The following IL3RA variants were observed in gnomAD, a reference collection of about 807,000 sequenced individuals.
IL3RA encodes interleukin-3 receptor subunit alpha.
A neutral mutation model predicts 52.3 loss-of-function variants in IL3RA; 73 were observed. The observed-to-expected ratio is 1.40, with a 90% CI of 1.16 to 1.70. The LOEUF (loss-of-function observed/expected upper bound fraction) is 1.70, where lower values mean the gene tolerates loss of function less well. Ranked by LOEUF, IL3RA falls within the 40% of genes most tolerant of loss-of-function variation. The pLI is 0.00. For synonymous variants in IL3RA, 260 were observed against 194.0 expected (o/e 1.34, Z -2.83); for missense variants, 664 against 504.4 (o/e 1.32, Z -3.03).
At chrX:1,344,733 A>G (rs1413756676) in intron 2 of IL3RA, among the ~76,000 whole-genome samples, 1 of 151,704 alleles carries the variant, frequency 6.6e-6, no homozygotes, top group Non-Finnish European at 1.5e-5. Flanking sequence ...AGATCGTGCC[A>G]CTGCACTCCA....
intron 9 of IL3RA, among the ~76,000 whole-genome samples, chrX:1,368,221 T>C (rs2088324824): frequency 6.6e-6 from 1 of 151,732 alleles, no homozygotes; most frequent in Non-Finnish European, 1.5e-5. Context: ...ATCGCGCCAC[T>C]GTGCTCCATC....
rs1156722120 is a variant in IL3RA at position 1,361,755 on chromosome X, GAAAAAAA to G, written c.759+2884_759+2890del. ...GTGACAGAGTGAGACTCCGTCTCGA[GAAAAAAA>G]AAAAAAAAAAAAAAATGAGAGCCGA... On this transcript the variant is annotated intron_variant, in intron 8 of 11. Transcript: ENST00000331035. 2.7e-3 allele frequency among the ~76,000 whole-genome samples: 221 copies of G among 81,758 alleles called. 1 individual carries two copies. Among genetic ancestry groups the G allele is most frequent in the African/African-American group, 0.01 (210 of 20,288 alleles). The allele number at this position is 81,758 out of a possible 152,430, so 53.6% of individuals were successfully genotyped here. A position where few individuals can be genotyped will look rare whatever the true frequency, so the allele number is the denominator to read the frequency against.
Position 1,381,834 on chromosome X carries a change from G to A in IL3RA, c.1063-557G>A, listed in dbSNP as rs780143586. ...TGGGATTACAGGCATGAGCCACCAT[G>A]CCCAGCCTAGTTTTCAACAAGTTTT... On this transcript the variant is annotated intron_variant, in intron 11 of 11. Coordinates refer to ENST00000331035, the MANE Select transcript of IL3RA (RefSeq NM_002183.4). Among the ~76,000 whole-genome samples, 6 of 151,416 alleles carry A rather than the reference G, an allele frequency of 4.0e-5. No individual in the cohort carries two copies. The South Asian group carries it at 1.3e-3, about 32-fold the overall frequency.
rs776424905 is a variant in IL3RA, at chrX:1,365,200, C to G, written c.822C>G (p.Ala274=). 5.0e-6 allele frequency: 8 copies of G among 1,611,468 alleles called. No homozygotes were observed. The highest frequency in any genetic ancestry group is 1.3e-5 in the African/African-American group (1 of 74,864). Residue 274 remains alanine (A), a synonymous_variant, in exon 9 of 12, where the codon GCC becomes GCG. Transcript: ENST00000331035. ...GAACGTACACAGTACAAATAAGAGC[C>G]CGGGAAAGAGTGTATGAATTCTTGA... The part of the protein sequence containing the change: ...NPGTYTVQIR[A]RERVYEFLSA...
rs35294981 is a variant in IL3RA at position 1,382,670 on chromosome X, A to ATTTT, written c.*215_*218dup. 7.5e-6 allele frequency: 4 copies of ATTTT among 531,428 alleles called. No homozygotes were observed. Among genetic ancestry groups the ATTTT allele is most frequent in the East Asian group, 3.2e-5 (1 of 31,680 alleles). 32.9% of individuals were successfully genotyped at this position (531,428 alleles called of 1,614,324 possible). On this transcript the variant is annotated 3_prime_UTR_variant, in exon 12 of 12. Transcript: ENST00000331035. ...TGTGTGTTTATTTCATGATAAAGTG[A>ATTTT]TTTTTTTTTTTTTAACCCACTCACT...
At chrX:1,344,662 A>T (rs183403833) in intron 2 of IL3RA, among the ~76,000 whole-genome samples, 3 of 142,058 alleles carry the variant, frequency 2.1e-5, no homozygotes, top group Non-Finnish European at 4.6e-5. Flanking sequence ...AATCCTAGCT[A>T]CTCGGGAGGC....
Position 1,352,514 on chromosome X carries a change from G to A in IL3RA, c.616+8G>A, listed in dbSNP as rs760840816. On this transcript the variant is annotated splice_region_variant and intron_variant, in intron 6 of 11. Transcript: ENST00000331035. ...TCGTCTTTTCACAGATTGGTGAGTA[G>A]CCCGGGACACTCCCTCCCACCCTCA... 13 of 1,611,450 alleles carry A rather than the reference G, an allele frequency of 8.1e-6. No individual in the cohort carries two copies. Among genetic ancestry groups the A allele is most frequent in the East Asian group, 2.2e-5 (1 of 44,866 alleles).
At chrX:1,348,644 CTCTTTCTTTCTTTCTTTCTTTCTTTCTT>C (rs762100895) in intron 4 of IL3RA, 99 bp downstream of exon 4, 4 of 496,242 alleles carry the variant, frequency 8.1e-6, no homozygotes, top group African/African-American at 3.8e-5. Context: ...TTTTCTTTTT[CTCTTTCTTTCTTTCTTTCTTTCTTTCTT>C]TCTTTCTTTC....
chrX:1,354,091 G>C (rs1603444629), intron 6 of IL3RA, among the ~76,000 whole-genome samples: 1 of 149,012 alleles, frequency 6.7e-6, no homozygotes, highest in East Asian at 2.1e-4. Context: ...CATGAGTCAT[G>C]GAATCCCTCA....
intron 1 of IL3RA, 73 bp from the exon 2 acceptor site, chrX:1,341,655 G>A (rs770656621): frequency 1.1e-5 from 13 of 1,164,390 alleles, no homozygotes; most frequent in Non-Finnish European, 1.4e-5. Flanking sequence ...TCTGGAAGGG[G>A]CAAGCATCCT....
At chrX:1,344,751 T>G (rs113044250) in intron 2 of IL3RA, among the ~76,000 whole-genome samples, 2 of 150,152 alleles carry the variant, frequency 1.3e-5, no homozygotes, top group African/African-American at 2.5e-5. Flanking sequence ...CCAGCCTGGG[T>G]GACAAGAGCA....
intron 8 of IL3RA, among the ~76,000 whole-genome samples, chrX:1,362,148 TTC>T (rs377580272): frequency 6.1e-5 from 8 of 131,046 alleles, no homozygotes; most frequent in East Asian, 4.2e-4. Context: ...GTTTCTGTTT[TTC>T]TGTTTTTCTC....
chrX:1,358,970 AT>A (rs1489942043), intron 8 of IL3RA, 83 bp downstream of exon 8: 21 of 935,034 alleles, frequency 2.2e-5, no homozygotes, highest in Non-Finnish European at 3.1e-5. Flanking sequence ...ATGATAAAAA[AT>A]ATTAATAATT....
intron 1 of IL3RA, among the ~76,000 whole-genome samples, chrX:1,340,252 AT>A (rs1213592370): frequency 2.0e-5 from 3 of 150,904 alleles, no homozygotes; most frequent in Non-Finnish European, 2.9e-5. Context: ...AGTAGCTGGG[AT>A]TATAGGCACA....
At chrX:1,360,015 A>G (rs111162406) in intron 8 of IL3RA, among the ~76,000 whole-genome samples, 3 of 84,282 alleles carry the variant, frequency 3.6e-5, no homozygotes, top group Admixed American at 1.3e-4. Flanking sequence ...CCCGGTCTCT[A>G]TCTTCCCTTC....
Position 1,360,101 on chromosome X carries a change from C to G in IL3RA, c.759+1214C>G, listed in dbSNP as rs775913077. 8.0e-5 allele frequency among the ~76,000 whole-genome samples: 12 copies of G among 150,014 alleles called. No homozygotes were observed. The South Asian group carries it at 2.4e-3, about 30-fold the overall frequency. ...TCCATCTTTCTCTCTCTCTCCCGGT[C>G]TCTATCTCCCCCTCTCCCCGTCTCT... On this transcript the variant is annotated intron_variant, in intron 8 of 11. Coordinates refer to ENST00000331035, the MANE Select transcript of IL3RA (RefSeq NM_002183.4).
intron 4 of IL3RA, 99 bp downstream of exon 4, chrX:1,348,644 C>CTCTT (rs762100895): frequency 0.046 from 22,879 of 495,946 alleles, 1,277 homozygotes; most frequent in East Asian, 0.12. Flanking sequence ...TTTTCTTTTT[C>CTCTT]TCTTTCTTTC....
At chrX:1,345,280 C>G in intron 2 of IL3RA, 36 bp from the exon 3 acceptor site, 2 of 1,408,308 alleles carry the variant, frequency 1.4e-6, no homozygotes, top group Non-Finnish European at 9.9e-7. Flanking sequence ...AAGATTCTTA[C>G]GTATCTCTTC....
At chrX:1,377,110 A>G (rs1865750376) in intron 9 of IL3RA, among the ~76,000 whole-genome samples, 1 of 151,742 alleles carries the variant, frequency 6.6e-6, no homozygotes, top group African/African-American at 2.4e-5. Flanking sequence ...GGACACGGAG[A>G]AGACGGGGTC....
Sources: gnomAD v4.1 joint callset for allele counts (sites outside exome capture counted in the v4.1 genomes callset) on GRCh38, gnomAD v4.1.1 for gene constraint, MANE v1.5 for transcripts, NCBI Gene and HGNC (gene_info 2026-07-23, HGNC 2026-07-21) for gene names.